GPATCH2L: variants seen among roughly 807,000 people sequenced by gnomAD.
GPATCH2L encodes the protein G patch domain-containing protein 2-like.
GPATCH2L carries 31 observed loss-of-function variants against 57.4 expected under a neutral mutation model. The ratio of observed to expected loss-of-function variants is 0.54; its 90% CI spans 0.41 to 0.73. GPATCH2L has a LOEUF of 0.73. Ranked by LOEUF, GPATCH2L falls within the 30% of genes least tolerant of loss-of-function variation. The probability of loss-of-function intolerance (pLI) is 0.00; values close to 1 mark genes in which losing one functional copy is unlikely to be tolerated. For missense variants in GPATCH2L, 481 were observed against 599.9 expected (o/e 0.80, Z 2.07); for synonymous variants, 199 against 210.7 (o/e 0.94, Z 0.48).
At chr14:76,217,354 T>C (rs1184060156), downstream of GPATCH2L, among the ~76,000 whole-genome samples, 1 of 152,158 alleles carries the variant, frequency 6.6e-6, no homozygotes, top group Non-Finnish European at 1.5e-5. Flanking sequence ...CTTTGTAACC[T>C]GGGTTAGCTA....
chr14:76,196,738 A>C (rs2040166816), intron 9 of GPATCH2L, among the ~76,000 whole-genome samples: 1 of 152,142 alleles, frequency 6.6e-6, no homozygotes, highest in South Asian at 2.1e-4. Context: ...TATACCATTG[A>C]ATATTTTATT....
intron 9 of GPATCH2L, 22 bp downstream of exon 9, chr14:76,195,994 T>G: frequency 6.6e-7 from 1 of 1,516,206 alleles, no homozygotes; most frequent in Non-Finnish European, 9.2e-7. Flanking sequence ...CAGTTATCAT[T>G]TATTGAGCAT....
intron 1 of GPATCH2L, among the ~76,000 whole-genome samples, chr14:76,221,593 C>T (rs2040515518): frequency 6.6e-6 from 1 of 151,074 alleles, no homozygotes; most frequent in Non-Finnish European, 1.5e-5. Context: ...TGTCTTTCAG[C>T]AGGTAAATGG....
intron 8 of GPATCH2L, among the ~76,000 whole-genome samples, chr14:76,181,219 C>T (rs1235972714): frequency 6.6e-6 from 1 of 152,204 alleles, no homozygotes; most frequent in East Asian, 1.9e-4. Context: ...TAATTTTCTC[C>T]CTCTGTGGGA....
chr14:76,177,119 C>T (rs552913438), intron 6 of GPATCH2L, among the ~76,000 whole-genome samples: 65 of 152,212 alleles, frequency 4.3e-4, no homozygotes, highest in African/African-American at 1.5e-3. Context: ...AGTCATGGCT[C>T]ACTGCAACCT....
At chr14:76,225,910 G>A (rs964053201) in intron 1 of GPATCH2L, among the ~76,000 whole-genome samples, 5 of 152,090 alleles carry the variant, frequency 3.3e-5, no homozygotes, top group South Asian at 2.1e-4. Context: ...AACCCAATGC[G>A]ATATTACTAC....
At position 76,154,556 on chromosome 14, in the gene GPATCH2L, T is replaced by G; in HGVS notation, c.193T>G (p.Ser65Ala). 1 of 1,614,228 alleles carries G rather than the reference T, an allele frequency of 6.2e-7. No individual in the cohort carries two copies. Among genetic ancestry groups the G allele is most frequent in the Non-Finnish European group, 8.5e-7 (1 of 1,180,034 alleles). ...AEHTCCYSEA[S>A]ESSLDEATKD... is the part of the protein sequence containing the mutation. ...GCATACCTGCTGCTACAGCGAGGCC[T>G]CTGAGTCAAGTCTGGATGAGGCCAC... The change falls in exon 2 of 10, where the codon TCT becomes GCT. Residue 65 changes from serine to alanine, a missense_variant. Ser to Ala is a moderately conservative substitution (Grantham distance 99, BLOSUM62 1). Around this residue, in one of 3 missense-constraint regions of GPATCH2L, gnomAD observed 208 missense variants for 272.4 expected, o/e 0.76. Transcript: ENST00000261530. The surrounding 1 kb of genome is among the most constrained non-coding windows in gnomAD (Gnocchi z 4.4).
At chr14:76,152,538 A>T (rs529531083) in intron 1 of GPATCH2L, 4 of 398,878 alleles carry the variant, frequency 1.0e-5, no homozygotes, top group Admixed American at 3.0e-5. Flanking sequence ...TCCACCAGCT[A>T]CCCGTTCCTT....
chr14:76,152,742 T>C (rs2139518952), intron 1 of GPATCH2L: 1 of 456,136 alleles, frequency 2.2e-6, no homozygotes, highest in South Asian at 1.5e-5. Context: ...CTTCGTTCCA[T>C]GTTCAAGTTT....
At chr14:76,197,218 A>G (rs1338224202) in intron 9 of GPATCH2L, among the ~76,000 whole-genome samples, 1 of 152,162 alleles carries the variant, frequency 6.6e-6, no homozygotes, top group Non-Finnish European at 1.5e-5. Flanking sequence ...AAACAAGATC[A>G]AGTCTAGACT....
chr14:76,200,978 G>A (rs1461211019), intron 9 of GPATCH2L, among the ~76,000 whole-genome samples: 3 of 152,170 alleles, frequency 2.0e-5, no homozygotes, highest in African/African-American at 7.2e-5. Context: ...CAATGACTGG[G>A]GAGTGTTCCT....
chr14:76,156,407 T>A (rs2139549796), intron 2 of GPATCH2L, among the ~76,000 whole-genome samples: 1 of 152,354 alleles, frequency 6.6e-6, no homozygotes, highest in East Asian at 1.9e-4. Flanking sequence ...CTTATTAACT[T>A]TATATTTGCC....
chr14:76,212,209 T>A lies in GPATCH2L; in HGVS notation c.*10358T>A, dbSNP rs1020451896. 6.6e-6 allele frequency: 1 copy of A among 152,090 alleles called. No individual in the cohort carries two copies. The highest frequency in any genetic ancestry group is 1.5e-5 in the Non-Finnish European group (1 of 67,994). The allele number at this position is 152,090 out of a possible 1,614,324, so 9.4% of individuals were successfully genotyped here. A position where few individuals can be genotyped will look rare whatever the true frequency, so the allele number is the denominator to read the frequency against. On this transcript the variant is annotated 3_prime_UTR_variant, in exon 10 of 10. Coordinates refer to ENST00000261530, the MANE Select transcript of GPATCH2L (RefSeq NM_017926.4). ...ATGAAAGATGTCTAAAACCATAGAA[T>A]AGGAACAAATGTACCTGTCATATTA...
chr14:76,201,016 G>A (rs1433561599), intron 9 of GPATCH2L, among the ~76,000 whole-genome samples: 1 of 152,174 alleles, frequency 6.6e-6, no homozygotes, highest in African/African-American at 2.4e-5. Flanking sequence ...ATCCAGATCG[G>A]TAAGTGTTCT....
intron 8 of GPATCH2L, among the ~76,000 whole-genome samples, chr14:76,192,838 C>A (rs144342229): frequency 6.6e-6 from 1 of 152,142 alleles, no homozygotes; most frequent in African/African-American, 2.4e-5. Context: ...GTCTTCAGTT[C>A]TTTCCTGTTA....
intron 9 of GPATCH2L, among the ~76,000 whole-genome samples, chr14:76,199,060 G>C (rs1594994069): frequency 6.6e-6 from 1 of 152,082 alleles, no homozygotes; most frequent in East Asian, 1.9e-4. Context: ...ATGTTTCTTA[G>C]TAAATATTGA....
chr14:76,160,738 A>G (rs549987605), intron 2 of GPATCH2L, among the ~76,000 whole-genome samples: 4 of 152,308 alleles, frequency 2.6e-5, no homozygotes, highest in Admixed American at 1.3e-4. Flanking sequence ...ACATTCTTAG[A>G]TATGCAGGCC....
chr14:76,217,511 A>G (rs1254079242), downstream of GPATCH2L, among the ~76,000 whole-genome samples: 1 of 152,120 alleles, frequency 6.6e-6, no homozygotes. Flanking sequence ...TAGACAATGG[A>G]AAGTTTTGGG....
At chr14:76,191,575 T>G (rs1246856710) in intron 8 of GPATCH2L, among the ~76,000 whole-genome samples, 1 of 152,138 alleles carries the variant, frequency 6.6e-6, no homozygotes, top group Non-Finnish European at 1.5e-5. Flanking sequence ...TAAATCCTCT[T>G]GCTCTAAGCA....
Sources: allele counts gnomAD v4.1 joint callset (sites outside exome capture counted in the v4.1 genomes callset), GRCh38; gene constraint gnomAD v4.1.1; regional missense constraint gnomAD v4.1.1; non-coding constraint Gnocchi (gnomAD v3.1); transcripts MANE v1.5; gene names NCBI Gene and HGNC (gene_info 2026-07-23, HGNC 2026-07-21).